NFKBID: variants seen among roughly 807,000 people sequenced by gnomAD.
The protein encoded by NFKBID is NF-kappa-B inhibitor delta.
NFKBID carries 26 observed loss-of-function variants against 53.4 expected under a neutral mutation model. The observed-to-expected ratio is 0.49, with a 90% CI of 0.36 to 0.68. NFKBID has a LOEUF of 0.68. NFKBID is among the 30% of genes least tolerant of loss of function. The probability of loss-of-function intolerance (pLI) is 0.00; values close to 1 mark genes in which losing one functional copy is unlikely to be tolerated. For synonymous variants in NFKBID, 262 were observed against 259.8 expected, an observed-to-expected ratio of 1.01 and a Z score of -0.08; for missense variants, 493 against 614.1, an observed-to-expected ratio of 0.80 and a Z score of 2.08.
intron 10 of NFKBID, 104 bp from the exon 11 acceptor site, chr19:35,890,158 TC>T: frequency 7.9e-7 from 1 of 1,264,024 alleles, no homozygotes; most frequent in Non-Finnish European, 1.1e-6. Context: ...ACTTGTCCTT[TC>T]ACATCCCAGA....
intron 11 of NFKBID, among the ~76,000 whole-genome samples, chr19:35,889,042 C>T (rs946014783): frequency 7.0e-6 from 1 of 142,578 alleles, no homozygotes; most frequent in Non-Finnish European, 1.5e-5. Flanking sequence ...AAGACTCCGC[C>T]TCCAAAAAAA....
chr19:35,900,833 T>C (rs563071897), upstream of NFKBID, among the ~76,000 whole-genome samples: 969 of 139,588 alleles, frequency 6.9e-3, 6 homozygotes, highest in African/African-American at 0.022. Flanking sequence ...TTTTCTTTTT[T>C]TTTTTTTTTT....
At chr19:35,899,700 C>G (rs969167093) in intron 1 of NFKBID, 11 of 151,990 alleles carry the variant, frequency 7.2e-5, no homozygotes, top group African/African-American at 2.2e-4. Context: ...AAAGACAGAA[C>G]CCTCACCCTT....
At chr19:35,899,922 C>G (rs545814697) in intron 1 of NFKBID, among the ~76,000 whole-genome samples, 3 of 152,144 alleles carry the variant, frequency 2.0e-5, no homozygotes, top group Admixed American at 2.0e-4. Flanking sequence ...CTCGTGGAAT[C>G]CCCGCGCAAG....
rs1355072197 is a variant in NFKBID at position 35,896,848 on chromosome 19, G to A, written c.579-17C>T. The A allele has an allele frequency of 4.3e-6, 7 of 1,613,952 alleles. No individual in the cohort carries two copies. The highest frequency in any genetic ancestry group is 4.0e-5 in the African/African-American group (3 of 74,924). On this transcript the variant is annotated splice_polypyrimidine_tract_variant and intron_variant, in intron 5 of 11. Coordinates refer to ENST00000641389, the Ensembl canonical transcript of NFKBID. This position sits in a 1 kb window ranked among gnomAD's most constrained non-coding sequence, Gnocchi z 5.7. ...TGAAGGAGCCTGAGGACAGGTGGGGGACAGCCGTGAGAACAGCCCCCACCA... is the reference window on the plus strand; with the variant it reads ...TGAAGGAGCCTGAGGACAGGTGGGGAACAGCCGTGAGAACAGCCCCCACCA...
At chr19:35,894,173 G>A (rs1438714007) in intron 9 of NFKBID, among the ~76,000 whole-genome samples, 3 of 151,338 alleles carry the variant, frequency 2.0e-5, no homozygotes, top group African/African-American at 7.3e-5. Flanking sequence ...GCAGGAGCAT[G>A]GCTTGAACCC....
At chr19:35,900,041 C>T (rs1219623872) in intron 1 of NFKBID, among the ~76,000 whole-genome samples, 4 of 145,590 alleles carry the variant, frequency 2.7e-5, no homozygotes, top group Non-Finnish European at 6.1e-5. Context: ...GGACCCTTCC[C>T]CACCGAGACC....
chr19:35,898,730 C>G, exon 2 of NFKBID: 1 of 1,535,974 alleles, frequency 6.5e-7, no homozygotes. Flanking sequence ...TGCACCCCGC[C>G]AGCGTCGGGC....
intron 9 of NFKBID, among the ~76,000 whole-genome samples, chr19:35,895,269 A>T (rs1377573755): frequency 6.8e-6 from 1 of 147,252 alleles, no homozygotes; most frequent in African/African-American, 2.5e-5. Flanking sequence ...TGAGGTCAGG[A>T]GTTTGAGACC....
exon 4 of NFKBID, chr19:35,897,670 G>A (rs1376674139): frequency 1.3e-6 from 2 of 1,594,710 alleles, no homozygotes; most frequent in Non-Finnish European, 8.6e-7. Flanking sequence ...CTGGGGAAAT[G>A]GGCACGGCTG....
chr19:35,898,600 G>T, intron 2 of NFKBID, 68 bp from the exon 3 acceptor site: 1 of 1,426,818 alleles, frequency 7.0e-7, no homozygotes, highest in Non-Finnish European at 9.5e-7. Context: ...GTCTGTCTCG[G>T]ATCTATAAGA....
upstream of NFKBID, chr19:35,900,723 G>C (rs143994199): frequency 8.0e-4 from 850 of 1,065,530 alleles, 10 homozygotes; most frequent in African/African-American, 0.013. Context: ...GGGAGCTGGG[G>C]TCCAGATCTT....
At chr19:35,893,554 C>T (rs1974923563) in intron 9 of NFKBID, among the ~76,000 whole-genome samples, 1 of 152,226 alleles carries the variant, frequency 6.6e-6, no homozygotes, top group Admixed American at 6.5e-5. Flanking sequence ...CGCACAGTGG[C>T]TCACGCCTGT....
At chr19:35,898,606 TAA>T (rs1414104051) in intron 2 of NFKBID, 74 bp from the exon 3 acceptor site, 1 of 1,426,062 alleles carries the variant, frequency 7.0e-7, no homozygotes, top group Non-Finnish European at 9.5e-7. Flanking sequence ...CTCGGATCTA[TAA>T]GACATTTCGG....
At chr19:35,897,417 G>C in intron 4 of NFKBID, 1 of 581,974 alleles carries the variant, frequency 1.7e-6, no homozygotes, top group Non-Finnish European at 3.1e-6. Context: ...ACTACACCCA[G>C]CTAATTTTTT....
chr19:35,891,075 T>C (rs1372128889), intron 9 of NFKBID, among the ~76,000 whole-genome samples: 1 of 152,182 alleles, frequency 6.6e-6, no homozygotes, highest in African/African-American at 2.4e-5. Flanking sequence ...TCAAAGCAAC[T>C]GCCTTGGCTA....
chr19:35,897,403 CGCCACT>C, intron 4 of NFKBID: 1 of 570,938 alleles, frequency 1.8e-6, no homozygotes, highest in East Asian at 2.9e-5. Flanking sequence ...TACAGGCGTG[CGCCACT>C]ACACCCAGCT....
chr19:35,898,419 T>C, intron 3 of NFKBID, 53 bp downstream of exon 3: 1 of 1,170,326 alleles, frequency 8.5e-7, no homozygotes, highest in Non-Finnish European at 1.2e-6. Flanking sequence ...AGCTGCGATG[T>C]CTGAGTCCCT....
intron 9 of NFKBID, among the ~76,000 whole-genome samples, chr19:35,891,558 A>G (rs748128278): frequency 3.9e-5 from 6 of 152,184 alleles, no homozygotes; most frequent in Non-Finnish European, 8.8e-5. Context: ...CAGAGCAATG[A>G]TACTGAGGTT....
Sources: allele counts gnomAD v4.1 joint callset (sites outside exome capture counted in the v4.1 genomes callset), GRCh38; gene constraint gnomAD v4.1.1; non-coding constraint Gnocchi (gnomAD v3.1); transcripts MANE v1.5; gene names NCBI Gene and HGNC (gene_info 2026-07-23, HGNC 2026-07-21).